EPHA6: variants seen among roughly 807,000 people sequenced by gnomAD.
EPHA6 encodes EPH receptor A6, also known as ephrin type-A receptor 6.
EPHA6 carries 50 observed loss-of-function variants against 112.0 expected under a neutral mutation model. The ratio of observed to expected loss-of-function variants is 0.45; its 90% CI spans 0.36 to 0.56. The LOEUF (loss-of-function observed/expected upper bound fraction) is 0.56. EPHA6 is among the 20% of genes least tolerant of loss of function. The pLI is 0.00. For missense variants in EPHA6, 1,280 were observed against 1,417.4 expected, an observed-to-expected ratio of 0.90 and a Z score of 1.56; for synonymous variants, 529 against 490.7, an observed-to-expected ratio of 1.08 and a Z score of -1.03.
At chr3:97,547,518 C>T (rs569114957) in intron 11 of EPHA6, among the ~76,000 whole-genome samples, 10 of 152,254 alleles carry the variant, frequency 6.6e-5, no homozygotes, top group Admixed American at 4.6e-4. Context: ...GGTCAGGGAC[C>T]CAGTTGAGGA....
Position 97,324,395 on chromosome 3 carries a change from G to GCTTTCCTTCTTTT in EPHA6, c.1606+80114_1606+80126dup, listed in dbSNP as rs1553746213. On this transcript the variant is annotated intron_variant, in intron 5 of 17. Coordinates refer to ENST00000389672, the MANE Select transcript of EPHA6 (RefSeq NM_001080448.3). ...TGCTACCAGATTCTAAGATTTCTTT[G>GCTTTCCTTCTTTT]CTTTCCTTCTTTTCTTTCTTTCTTT... Among the ~76,000 whole-genome samples, 951 of 121,142 alleles carry GCTTTCCTTCTTTT rather than the reference G, an allele frequency of 7.9e-3. 33 individuals are homozygous for GCTTTCCTTCTTTT. Among genetic ancestry groups the GCTTTCCTTCTTTT allele is most frequent in the African/African-American group, 0.026 (874 of 33,200 alleles). 79.5% of individuals were successfully genotyped at this position (121,142 alleles called of 152,430 possible).
intron 4 of EPHA6, among the ~76,000 whole-genome samples, chr3:97,243,732 A>G (rs1559822910): frequency 6.6e-6 from 1 of 151,932 alleles, no homozygotes; most frequent in East Asian, 1.9e-4. Flanking sequence ...ATTGAAATTC[A>G]TACTCCAAAA....
intron 5 of EPHA6, among the ~76,000 whole-genome samples, chr3:97,299,417 C>A (rs1301252510): frequency 6.6e-6 from 1 of 152,062 alleles, no homozygotes; most frequent in South Asian, 2.1e-4. Context: ...TAAAGAGCAT[C>A]GCTTTGCCTA....
chr3:97,329,884 T>C (rs2082695790), intron 5 of EPHA6, among the ~76,000 whole-genome samples: 1 of 152,066 alleles, frequency 6.6e-6, no homozygotes, highest in Non-Finnish European at 1.5e-5. Flanking sequence ...AGACATGAAG[T>C]CCTAGCCCAT....
intron 14 of EPHA6, among the ~76,000 whole-genome samples, chr3:97,683,445 G>A (rs941149621): frequency 6.6e-6 from 1 of 152,086 alleles, no homozygotes; most frequent in Non-Finnish European, 1.5e-5. Context: ...TAGTACAGAT[G>A]TAGTAACTAT....
chr3:97,255,380 A>G (rs576929280), intron 5 of EPHA6, among the ~76,000 whole-genome samples: 2 of 152,290 alleles, frequency 1.3e-5, no homozygotes, highest in South Asian at 4.1e-4. Context: ...GCAAAGGGAA[A>G]AAGAAAGCCA....
At chr3:97,142,092 T>G (rs901646675) in intron 3 of EPHA6, among the ~76,000 whole-genome samples, 5 of 152,016 alleles carry the variant, frequency 3.3e-5, no homozygotes, top group Non-Finnish European at 5.9e-5. Context: ...TAAGTCTTGA[T>G]GGCTAAAAAG....
intron 11 of EPHA6, among the ~76,000 whole-genome samples, chr3:97,563,719 A>C (rs1409471891): frequency 3.3e-5 from 5 of 152,210 alleles, no homozygotes; most frequent in African/African-American, 9.6e-5. Context: ...CAGTGAATGG[A>C]GTATAAGAAT....
At chr3:97,501,003 TA>T (rs1465648058) in intron 10 of EPHA6, among the ~76,000 whole-genome samples, 2 of 152,186 alleles carry the variant, frequency 1.3e-5, no homozygotes, top group African/African-American at 4.8e-5. Flanking sequence ...AATATTTTCA[TA>T]ATTTTGAAAC....
At chr3:97,109,221 T>C (rs2047650775) in intron 3 of EPHA6, among the ~76,000 whole-genome samples, 1 of 152,208 alleles carries the variant, frequency 6.6e-6, no homozygotes, top group Admixed American at 6.5e-5. Flanking sequence ...TTCCTTTCAG[T>C]GAGTTCTTTA....
intron 5 of EPHA6, among the ~76,000 whole-genome samples, chr3:97,287,919 G>A (rs956326577): frequency 1.3e-5 from 2 of 151,918 alleles, no homozygotes; most frequent in Non-Finnish European, 2.9e-5. Flanking sequence ...GTAGTATCAG[G>A]GTAATGAGTC....
At chr3:97,605,126 C>T (rs1027032861) in intron 12 of EPHA6, among the ~76,000 whole-genome samples, 24 of 151,228 alleles carry the variant, frequency 1.6e-4, no homozygotes, top group African/African-American at 5.6e-4. Context: ...TCAAGACTTC[C>T]TAAAACAGAG....
chr3:96,960,164 A>G (rs2041905694), intron 2 of EPHA6, among the ~76,000 whole-genome samples: 1 of 152,076 alleles, frequency 6.6e-6, no homozygotes, highest in Non-Finnish European at 1.5e-5. Context: ...TTTGGTAAGG[A>G]CTATTTTGAG....
At chr3:96,953,573 A>G (rs2041638542) in intron 2 of EPHA6, among the ~76,000 whole-genome samples, 1 of 152,168 alleles carries the variant, frequency 6.6e-6, no homozygotes, top group Non-Finnish European at 1.5e-5. Flanking sequence ...TTTTTAAACA[A>G]AAGCCAATTC....
At chr3:97,348,665 T>G (rs889776365) in intron 5 of EPHA6, among the ~76,000 whole-genome samples, 1 of 152,022 alleles carries the variant, frequency 6.6e-6, no homozygotes, top group African/African-American at 2.4e-5. Context: ...TACAGGAAAC[T>G]GAAAGAGTTA....
intron 1 of EPHA6, among the ~76,000 whole-genome samples, chr3:96,840,549 C>G (rs766607784): frequency 4.6e-5 from 7 of 151,958 alleles, no homozygotes; most frequent in Non-Finnish European, 8.8e-5. Flanking sequence ...TTTTAGAGAT[C>G]TGAGCAAAAG....
chr3:97,058,317 A>G (rs929852721), intron 3 of EPHA6, among the ~76,000 whole-genome samples: 9 of 150,812 alleles, frequency 6.0e-5, no homozygotes, highest in Non-Finnish European at 1.3e-4. Flanking sequence ...GTTGTTGTTG[A>G]GACAAGTTTT....
chr3:96,916,344 A>G (rs997272635), intron 2 of EPHA6, among the ~76,000 whole-genome samples: 1 of 152,138 alleles, frequency 6.6e-6, no homozygotes, highest in Admixed American at 6.5e-5. Flanking sequence ...TCTCGTAATT[A>G]TCTTCTTTGG....
At chr3:97,371,349 T>G (rs1213497772) in intron 5 of EPHA6, among the ~76,000 whole-genome samples, 2 of 152,126 alleles carry the variant, frequency 1.3e-5, no homozygotes, top group Non-Finnish European at 2.9e-5. Flanking sequence ...ACATAAATTG[T>G]GAAGATTTCA....
Sources: gnomAD v4.1 joint callset for allele counts (sites outside exome capture counted in the v4.1 genomes callset) on GRCh38, gnomAD v4.1.1 for gene constraint, MANE v1.5 for transcripts, NCBI Gene and HGNC (gene_info 2026-07-23, HGNC 2026-07-21) for gene names.